TCFL5: variants seen among roughly 807,000 people sequenced by gnomAD.
TCFL5 encodes the protein transcription factor-like 5 protein.
A neutral mutation model predicts 44.3 loss-of-function variants in TCFL5; 9 were observed. The observed-to-expected ratio is 0.20, with a 90% CI of 0.12 to 0.35. TCFL5 has a LOEUF of 0.35. TCFL5 is among the 10% of genes least tolerant of loss of function. The pLI is 1.00. For synonymous variants in TCFL5, 319 were observed against 271.6 expected (o/e 1.17, Z -1.72); for missense variants, 603 against 613.4 (o/e 0.98, Z 0.18).
chr20:62,858,933 C>T lies in TCFL5; in HGVS notation c.994+431G>A, dbSNP rs561114132. Among the ~76,000 whole-genome samples, 6 of 145,574 alleles carry T rather than the reference C, an allele frequency of 4.1e-5. 1 individual carries two copies. In the South Asian group the frequency reaches 1.1e-3, roughly 26 times the overall value. Reference sequence around the variant, plus strand: ...TTTATTTCCAAACTTTCCGAATCACCTTACAGCCTCTCCCTGGCAGCCCTA... The same window carrying T: ...TTTATTTCCAAACTTTCCGAATCACTTTACAGCCTCTCCCTGGCAGCCCTA... On this transcript the variant is annotated intron_variant, in intron 3 of 5. Coordinates refer to ENST00000335351, the MANE Select transcript of TCFL5 (RefSeq NM_006602.4).
rs976861840 is a variant in TCFL5 at position 62,842,312 on chromosome 20, C to T, written c.1381-215G>A. Among the ~76,000 whole-genome samples, 1 of 151,554 alleles carries T rather than the reference C, an allele frequency of 6.6e-6. No homozygotes were observed. Among genetic ancestry groups the T allele is most frequent in the Non-Finnish European group, 1.5e-5 (1 of 67,958 alleles). ...TTTTTCAAATAGCAGTTACACTGTA[C>T]ATGTACTTTTGTTTTTCCAATACTC... On this transcript the variant is annotated intron_variant, in intron 5 of 5. Transcript: ENST00000335351. The surrounding 1 kb of genome is among the most constrained non-coding windows in gnomAD (Gnocchi z 4.3).
At chr20:62,846,219 G>A in intron 5 of TCFL5, 2 of 723,254 alleles carry the variant, frequency 2.8e-6, no homozygotes, top group African/African-American at 3.7e-5. Context: ...ACATAACTAG[G>A]CGCTCGCAAG....
At chr20:62,851,822 T>C in intron 5 of TCFL5, 1 of 985,382 alleles carries the variant, frequency 1.0e-6, no homozygotes. Context: ...CAGGAGCCCT[T>C]CTTTTGAGAT....
chr20:62,856,198 C>T (rs1426827841), intron 4 of TCFL5, among the ~76,000 whole-genome samples: 7 of 139,360 alleles, frequency 5.0e-5, no homozygotes, highest in African/African-American at 1.6e-4. Context: ...TGCAGTGAGC[C>T]GAGATCATGC....
intron 3 of TCFL5, among the ~76,000 whole-genome samples, chr20:62,858,831 G>T (rs551502829): frequency 6.7e-6 from 1 of 148,590 alleles, no homozygotes; most frequent in Non-Finnish European, 1.5e-5. Flanking sequence ...GTTTCCCAGG[G>T]AGGAAGGGGC....
chr20:62,847,156 C>G (rs1450091927), intron 5 of TCFL5, among the ~76,000 whole-genome samples: 6 of 149,524 alleles, frequency 4.0e-5, no homozygotes, highest in South Asian at 2.1e-4. Flanking sequence ...ACACGGCAGC[C>G]TGGGCAACGA....
At chr20:62,850,730 GCCCCAGCCTGCCCCGGTGCCCTGC>G (rs2063798360) in intron 5 of TCFL5, among the ~76,000 whole-genome samples, 1 of 152,092 alleles carries the variant, frequency 6.6e-6, no homozygotes, top group East Asian at 1.9e-4. Context: ...GGTCCACCAG[GCCCCAGCCTGCCCCGGTGCCCTGC>G]CCAGCAACAC....
Position 62,856,021 on chromosome 20 carries a change from C to A in TCFL5, c.1238+1374G>T, listed in dbSNP as rs188764919. 2.6e-3 allele frequency among the ~76,000 whole-genome samples: 391 copies of A among 152,084 alleles called. 1 individual carries two copies. The highest frequency in any genetic ancestry group is 9.0e-3 in the African/African-American group (373 of 41,500). The stretch of plus-strand genomic sequence containing the variant: ...ATCCCAGCACTTTAGGAGGCCGAGG[C>A]AGGCGGATCACAAGGTCAGGAGTTC... On this transcript the variant is annotated intron_variant, in intron 4 of 5. Coordinates refer to ENST00000335351, the MANE Select transcript of TCFL5 (RefSeq NM_006602.4).
chr20:62,845,203 C>T, intron 5 of TCFL5: 1 of 934,896 alleles, frequency 1.1e-6, no homozygotes, highest in Non-Finnish European at 1.3e-6. Context: ...CTCACTGCAA[C>T]CTTTGCCTCC....
chr20:62,846,860 G>A (rs6011419), intron 5 of TCFL5, among the ~76,000 whole-genome samples: 84,396 of 151,812 alleles, frequency 0.56, 25,936 homozygotes, highest in African/African-American at 0.84. Context: ...CTCTAACTAT[G>A]AGTCAGGAAA....
rs565796536 is a variant in TCFL5 at position 62,859,517 on chromosome 20, T to C, written c.841A>G (p.Asn281Asp). 2 of 1,606,378 alleles carry C rather than the reference T, an allele frequency of 1.2e-6. No individual in the cohort carries two copies. The highest frequency in any genetic ancestry group is 1.1e-5 in the South Asian group (1 of 89,068). ...GCAGCTTCAAGTACAGAACATGAGT[T>C]ACTAGAACTCTGGAAAAAAATGAAG... The part of the protein sequence containing the change: ...SNLSQTQSSS[N>D]SCSVLEAAKH... Residue 281 changes from asparagine (N) to aspartate (D), a missense_variant, in exon 3 of 6, where the codon AAC becomes GAC. Transcript: ENST00000335351.
At chr20:62,845,831 AGT>A in intron 5 of TCFL5, 1 of 1,597,056 alleles carries the variant, frequency 6.3e-7, no homozygotes, top group African/African-American at 1.3e-5. Flanking sequence ...TCATTATAAA[AGT>A]GATTTATGAC....
intron 5 of TCFL5, chr20:62,851,541 T>C (rs2063809762): frequency 2.0e-6 from 2 of 985,242 alleles, no homozygotes; most frequent in South Asian, 9.4e-5. Context: ...ACAGTCTACC[T>C]CTAACAATAA....
intron 5 of TCFL5, among the ~76,000 whole-genome samples, chr20:62,844,555 TTTTC>T (rs1568774003): frequency 2.1e-5 from 3 of 146,284 alleles, no homozygotes; most frequent in African/African-American, 8.2e-5. Flanking sequence ...TCAACATTTT[TTTTC>T]TGTTTTTTTT....
Position 62,855,330 on chromosome 20 carries a change from T to C in TCFL5, c.1239-1173A>G, listed in dbSNP as rs534678263. ...GTGTGCAACACCACCACTACTAGTA[T>C]TGTTGGTTTTTCTTTAGAGACGGGG... On this transcript the variant is annotated intron_variant, in intron 4 of 5. Coordinates refer to ENST00000335351, the MANE Select transcript of TCFL5 (RefSeq NM_006602.4). 3.9e-5 allele frequency among the ~76,000 whole-genome samples: 6 copies of C among 152,216 alleles called. No individual in the cohort carries two copies. In the East Asian group the frequency reaches 9.7e-4, roughly 25 times the overall value.
At position 62,861,338 on chromosome 20, in the gene TCFL5, C is replaced by G; in HGVS notation, c.333G>C (p.Pro111=). 2 of 1,133,958 alleles carry G rather than the reference C, an allele frequency of 1.8e-6. No homozygotes were observed. Among genetic ancestry groups the G allele is most frequent in the Non-Finnish European group, 2.2e-6 (2 of 916,302 alleles). 70.2% of individuals were successfully genotyped at this position (1,133,958 alleles called of 1,614,324 possible). A position where few individuals can be genotyped will look rare whatever the true frequency, so the allele number is the denominator to read the frequency against. ...AGGGCGCGTCGGCCGCCAGCGCGGA[C>G]GGGCACAGCACGGGGTACACGGGCG... is the stretch of plus-strand genomic sequence containing the variant. ...GAAPVYPVLC[P]SALAADAPCL... The change falls in exon 1 of 6, where the codon CCG becomes CCC. Residue 111 remains proline (P), a synonymous_variant. Transcript: ENST00000335351. This position sits in a 1 kb window ranked among gnomAD's most constrained non-coding sequence, Gnocchi z 4.0.
rs950176201 is a variant in TCFL5 at position 62,845,278 on chromosome 20, C to T, written c.1381-3181G>A. ...CTGGGATTACAGGCATGTACCACCA[C>T]GCCCGGCTAATTTTTGTATTTTTAG... On this transcript the variant is annotated intron_variant, in intron 5 of 5. Coordinates refer to ENST00000335351, the MANE Select transcript of TCFL5 (RefSeq NM_006602.4). 1.6e-4 allele frequency: 122 copies of T among 786,918 alleles called. No homozygotes were observed. The Middle Eastern group carries it at 2.4e-3, about 16-fold the overall frequency. 48.7% of individuals were successfully genotyped at this position (786,918 alleles called of 1,614,324 possible). A position where few individuals can be genotyped will look rare whatever the true frequency, so the allele number is the denominator to read the frequency against.
chr20:62,855,640 C>A (rs1341892677), intron 4 of TCFL5, among the ~76,000 whole-genome samples: 1 of 152,190 alleles, frequency 6.6e-6, no homozygotes, highest in Admixed American at 6.5e-5. Flanking sequence ...GTGACGCATG[C>A]CTGTAATCCC....
At chr20:62,843,536 A>G (rs1276225076) in intron 5 of TCFL5, among the ~76,000 whole-genome samples, 2 of 152,178 alleles carry the variant, frequency 1.3e-5, no homozygotes, top group South Asian at 2.1e-4. Context: ...GAAAATTTCC[A>G]TAAGTTGGTT....
Sources: gnomAD v4.1 joint callset for allele counts (sites outside exome capture counted in the v4.1 genomes callset) on GRCh38, gnomAD v4.1.1 for gene constraint, Gnocchi (gnomAD v3.1) non-coding constraint, MANE v1.5 for transcripts, NCBI Gene and HGNC (gene_info 2026-07-23, HGNC 2026-07-21) for gene names.